Variants in GTF3C1 observed in about 807,000 individuals in gnomAD.
GTF3C1 encodes general transcription factor IIIC subunit 1, also known as general transcription factor 3C polypeptide 1.
Under a neutral mutation model 226.7 loss-of-function variants are expected in GTF3C1, and 57 were observed. The observed-to-expected ratio is 0.25, with a 90% CI of 0.20 to 0.31. The LOEUF (loss-of-function observed/expected upper bound fraction) is 0.31, where lower values mean the gene tolerates loss of function less well. Among genes scored for constraint, GTF3C1 ranks in the 10% least tolerant of loss-of-function variants. The pLI, the probability that GTF3C1 is intolerant of heterozygous loss-of-function variation, is 1.00. For synonymous variants in GTF3C1, 1,090 were observed against 1,084.8 expected (o/e 1.00, Z -0.09); for missense variants, 2,217 against 2,776.1 (o/e 0.80, Z 4.53).
chr16:27,472,340 C>A (rs2087887769), intron 29 of GTF3C1, among the ~76,000 whole-genome samples: 1 of 152,234 alleles, frequency 6.6e-6, no homozygotes, highest in Non-Finnish European at 1.5e-5. Flanking sequence ...GTTCGTGCCA[C>A]CTGCACTGGC....
intron 6 of GTF3C1, among the ~76,000 whole-genome samples, chr16:27,513,865 C>T (rs1235616556): frequency 6.6e-6 from 1 of 152,158 alleles, no homozygotes; most frequent in African/African-American, 2.4e-5. Flanking sequence ...GGAGCCCAGC[C>T]CTCTAGTACA....
At position 27,492,014 on chromosome 16, in the gene GTF3C1, C is replaced by G. The variant is rs143164992; in HGVS notation, c.3151+324G>C. On this transcript the variant is annotated intron_variant, in intron 19 of 36. Coordinates refer to ENST00000356183, the MANE Select transcript of GTF3C1 (RefSeq NM_001520.4). The surrounding 1 kb of genome is among the most constrained non-coding windows in gnomAD (Gnocchi z 5.0). ...GATTTTGAGTCTCACGAAGGCAGGG[C>G]GGGCTGTGTTCTCATTGTGGCACTG... is the stretch of plus-strand genomic sequence containing the variant. 1.3e-5 allele frequency among the ~76,000 whole-genome samples: 2 copies of G among 152,214 alleles called. No individual in the cohort carries two copies. Among genetic ancestry groups the G allele is most frequent in the African/African-American group, 4.8e-5 (2 of 41,462 alleles).
At chr16:27,464,260 G>A in intron 34 of GTF3C1, 60 bp downstream of exon 34, 5 of 1,144,902 alleles carry the variant, frequency 4.4e-6, no homozygotes, top group Non-Finnish European at 4.7e-6. Flanking sequence ...GCCCATCAGG[G>A]CGGAGGGGAG....
intron 6 of GTF3C1, among the ~76,000 whole-genome samples, chr16:27,512,390 C>T (rs1567404997): frequency 6.6e-6 from 1 of 152,082 alleles, no homozygotes; most frequent in Non-Finnish European, 1.5e-5. Flanking sequence ...GCTGTATAAC[C>T]CTTCTAGAGC....
At chr16:27,542,652 T>C (rs945858917) in intron 2 of GTF3C1, among the ~76,000 whole-genome samples, 1 of 151,978 alleles carries the variant, frequency 6.6e-6, no homozygotes, top group Non-Finnish European at 1.5e-5. Flanking sequence ...GGGGGATGGA[T>C]CCCTCATAAA....
chr16:27,483,220 G>C, intron 25 of GTF3C1, 95 bp from the exon 26 acceptor site: 2 of 1,211,474 alleles, frequency 1.7e-6, no homozygotes, highest in Middle Eastern at 2.0e-4. Context: ...TTCTGGCCTT[G>C]GCCGACCTTG....
In GTF3C1 at chr16:27,470,018, C is replaced by T; in HGVS notation, c.4814+90G>A. On this transcript the variant is annotated intron_variant, in intron 31 of 36. Coordinates refer to ENST00000356183, the MANE Select transcript of GTF3C1 (RefSeq NM_001520.4). This position sits in a 1 kb window ranked among gnomAD's most constrained non-coding sequence, Gnocchi z 4.9. ...ATCTGCAACTCCCATCCCACAAGCT[C>T]CCAGAAGGCACTGCTGACCCCTGCC... The T allele has an allele frequency of 2.9e-6, 3 of 1,049,386 alleles. No homozygotes were observed. Among genetic ancestry groups the T allele is most frequent in the Non-Finnish European group, 2.8e-6 (2 of 706,396 alleles). 65.0% of individuals were successfully genotyped at this position (1,049,386 alleles called of 1,614,324 possible).
In GTF3C1 at chr16:27,465,553, A is replaced by G. The variant is rs537049041; in HGVS notation, c.5075-13T>C. The G allele has an allele frequency of 2.7e-5, 43 of 1,590,714 alleles. No homozygotes were observed. The South Asian group carries it at 4.1e-4, about 15-fold the overall frequency. ...TCCAGAGGAGCGGCTGTGGGGACACAGAGGAAGATCAGAGGCAGCCCGACA... is the reference window on the plus strand; with the variant it reads ...TCCAGAGGAGCGGCTGTGGGGACACGGAGGAAGATCAGAGGCAGCCCGACA... On this transcript the variant is annotated splice_polypyrimidine_tract_variant and intron_variant, in intron 32 of 36. Coordinates refer to ENST00000356183, the MANE Select transcript of GTF3C1 (RefSeq NM_001520.4).
intron 23 of GTF3C1, 112 bp from the exon 24 acceptor site, chr16:27,486,266 G>A: frequency 1.6e-6 from 1 of 609,516 alleles, no homozygotes; most frequent in South Asian, 2.2e-5. Flanking sequence ...TAATGGTATT[G>A]GTTAGCAGAT....
At chr16:27,533,200 G>T in intron 5 of GTF3C1, 91 bp downstream of exon 5, 1 of 673,714 alleles carries the variant, frequency 1.5e-6, no homozygotes, top group South Asian at 1.7e-5. Context: ...ATAGGGCTTT[G>T]GGTTGCAATT....
rs781517608 is a variant in GTF3C1, at chr16:27,497,653, A to G, written c.2334T>C (p.Asn778=). The G allele has an allele frequency of 1.2e-6, 2 of 1,613,246 alleles. No homozygotes were observed. Among genetic ancestry groups the G allele is most frequent in the South Asian group, 2.2e-5 (2 of 91,030 alleles). ...DNKMGITPLR[N]YHPIVVPGLG... Reference sequence around the variant, plus strand: ...GCAGCTTACCTACAATGGGGTGATAATTTCTAAGCGGGGTTATGCCCATTT... The same window carrying G: ...GCAGCTTACCTACAATGGGGTGATAGTTTCTAAGCGGGGTTATGCCCATTT... The change falls in exon 14 of 37, where the codon AAT becomes AAC. Residue 778 remains asparagine, a synonymous_variant. Transcript: ENST00000356183.
At chr16:27,499,299 C>T (rs1373389637) in intron 12 of GTF3C1, among the ~76,000 whole-genome samples, 1 of 152,220 alleles carries the variant, frequency 6.6e-6, no homozygotes, top group East Asian at 1.9e-4. Flanking sequence ...GTTATCATTT[C>T]ATGAGAGATA....
intron 3 of GTF3C1, 126 bp from the exon 4 acceptor site, chr16:27,538,053 C>A: frequency 1.5e-6 from 2 of 1,300,282 alleles, no homozygotes; most frequent in Non-Finnish European, 2.1e-6. Context: ...AAAACAGTCA[C>A]TGTGAGACCA....
At chr16:27,535,431 C>T (rs889269505) in intron 4 of GTF3C1, among the ~76,000 whole-genome samples, 1 of 151,970 alleles carries the variant, frequency 6.6e-6, no homozygotes, top group Non-Finnish European at 1.5e-5. Context: ...AAAAATTAGC[C>T]AGGTGTGGTG....
chr16:27,478,395 C>T, intron 28 of GTF3C1, 74 bp downstream of exon 28: 1 of 1,043,384 alleles, frequency 9.6e-7, no homozygotes. Flanking sequence ...CCTAGATTAC[C>T]CCAGTGCAAT....
chr16:27,518,584 G>A (rs889440666), intron 6 of GTF3C1, among the ~76,000 whole-genome samples: 7 of 152,188 alleles, frequency 4.6e-5, no homozygotes, highest in African/African-American at 1.7e-4. Flanking sequence ...CCAGTCACCT[G>A]GGCTGAAAAT....
At chr16:27,499,837 C>T (rs1318879400) in intron 12 of GTF3C1, among the ~76,000 whole-genome samples, 1 of 152,226 alleles carries the variant, frequency 6.6e-6, no homozygotes, top group Non-Finnish European at 1.5e-5. Context: ...CACATGGCCC[C>T]AGCAGATCAA....
intron 1 of GTF3C1, 32 bp from the exon 2 acceptor site, chr16:27,545,555 A>G (rs776074075): frequency 3.2e-6 from 4 of 1,247,276 alleles, no homozygotes; most frequent in Non-Finnish European, 4.7e-6. Context: ...TCAAAGCCCA[A>G]CTCAGCTTCA....
At position 27,538,375 on chromosome 16, in the gene GTF3C1, C is replaced by T. The variant is rs779818202; in HGVS notation, c.432-19G>A. On this transcript the variant is annotated intron_variant, in intron 2 of 36. Transcript: ENST00000356183. Reference sequence around the variant, plus strand: ...CCCCCACCTGCAAATCGGAAACAATCGCATGAAGAAATAAGTTTAACTGAT... The same window carrying T: ...CCCCCACCTGCAAATCGGAAACAATTGCATGAAGAAATAAGTTTAACTGAT... 8.2e-6 allele frequency: 12 copies of T among 1,468,710 alleles called. No homozygotes were observed. The highest frequency in any genetic ancestry group is 7.2e-5 in the East Asian group (3 of 41,658). The allele number at this position is 1,468,710 out of a possible 1,614,324, so 91.0% of individuals were successfully genotyped here. A position where few individuals can be genotyped will look rare whatever the true frequency, so the allele number is the denominator to read the frequency against.
Sources: gnomAD v4.1 joint callset for allele counts (sites outside exome capture counted in the v4.1 genomes callset) on GRCh38, gnomAD v4.1.1 for gene constraint, Gnocchi (gnomAD v3.1) non-coding constraint, MANE v1.5 for transcripts, NCBI Gene and HGNC (gene_info 2026-07-23, HGNC 2026-07-21) for gene names.